Variants in SGMS1 observed in about 807,000 individuals in gnomAD.
SGMS1 encodes sphingomyelin synthase 1.
In SGMS1, 13 loss-of-function variants were observed where a neutral mutation model predicts 46.2. That is an observed-to-expected ratio of 0.28 (90% CI 0.18 to 0.45). SGMS1 has a LOEUF of 0.45. Ranked by LOEUF, SGMS1 falls within the 20% of genes least tolerant of loss-of-function variation. SGMS1 has a pLI of 1.00. For missense variants in SGMS1, 324 were observed against 519.9 expected, an observed-to-expected ratio of 0.62 and a Z score of 3.66; for synonymous variants, 203 against 187.8, an observed-to-expected ratio of 1.08 and a Z score of -0.66.
At chr10:50,427,987 A>ATGTG (rs149882980) in intron 6 of SGMS1, among the ~76,000 whole-genome samples, 1 of 150,406 alleles carries the variant, frequency 6.6e-6, no homozygotes, top group Non-Finnish European at 1.5e-5. Context: ...GAGAGAGAGA[A>ATGTG]TGTGTGTGTG....
intron 6 of SGMS1, among the ~76,000 whole-genome samples, chr10:50,389,011 A>G (rs1396579372): frequency 1.3e-5 from 2 of 152,218 alleles, no homozygotes; most frequent in Non-Finnish European, 2.9e-5. Context: ...TTTGCCACAA[A>G]AACAAAAATT....
chr10:50,602,925 G>C (rs1418706075), intron 1 of SGMS1, among the ~76,000 whole-genome samples: 2 of 152,132 alleles, frequency 1.3e-5, no homozygotes, highest in African/African-American at 4.8e-5. Flanking sequence ...TTAACATCAT[G>C]CTCCACAGCA....
intron 2 of SGMS1, among the ~76,000 whole-genome samples, chr10:50,538,144 T>A (rs570141011): frequency 8.6e-6 from 1 of 116,824 alleles, no homozygotes; most frequent in African/African-American, 3.4e-5. Context: ...AGGTGCTGGA[T>A]AAGATGCAGA....
At chr10:50,419,533 A>G (rs543774110) in intron 6 of SGMS1, among the ~76,000 whole-genome samples, 68 of 152,324 alleles carry the variant, frequency 4.5e-4, no homozygotes, top group Admixed American at 1.0e-3. Flanking sequence ...TTTAGGTCAC[A>G]GGTGAACCTA....
intron 6 of SGMS1, among the ~76,000 whole-genome samples, chr10:50,388,632 C>A (rs1019489271): frequency 2.4e-4 from 36 of 151,888 alleles, no homozygotes; most frequent in African/African-American, 8.0e-4. Flanking sequence ...AAACAAAAAA[C>A]AAAAACAGAA....
At chr10:50,588,849 C>T (rs1175789395) in intron 2 of SGMS1, among the ~76,000 whole-genome samples, 3 of 151,632 alleles carry the variant, frequency 2.0e-5, no homozygotes, top group Non-Finnish European at 4.4e-5. Context: ...CCTGCCTCAG[C>T]CTCCCGAGTA....
In SGMS1 at chr10:50,545,423, T is replaced by C. The variant is rs527730983; in HGVS notation, c.-588-25502A>G. ...GTCTGAAAAGGAAAGGGTTTTGTTG[T>C]TGTTGCTGTTTGTTTTGTTTTGTTT... is the stretch of plus-strand genomic sequence containing the variant. On this transcript the variant is annotated intron_variant, in intron 2 of 10. Transcript: ENST00000361781. Among the ~76,000 whole-genome samples the C allele has an allele frequency of 1.1e-3, 165 of 152,196 alleles. 1 individual carries two copies. The highest frequency in any genetic ancestry group is 3.9e-3 in the African/African-American group (162 of 41,524).
intron 2 of SGMS1, among the ~76,000 whole-genome samples, chr10:50,574,909 T>C (rs1055456271): frequency 7.1e-6 from 1 of 139,960 alleles, no homozygotes; most frequent in Non-Finnish European, 1.6e-5. Context: ...CATAAGTACA[T>C]GTAATTATTA....
chr10:50,550,242 C>T (rs1457282982), intron 2 of SGMS1, among the ~76,000 whole-genome samples: 2 of 152,230 alleles, frequency 1.3e-5, no homozygotes, highest in South Asian at 4.1e-4. Context: ...TAATCACTAA[C>T]TTTCTTTTCC....
At chr10:50,564,117 C>A (rs1173170857) in intron 2 of SGMS1, among the ~76,000 whole-genome samples, 3 of 152,232 alleles carry the variant, frequency 2.0e-5, no homozygotes, top group African/African-American at 7.2e-5. Context: ...AGACTTTAAC[C>A]ATGACAACCC....
intron 6 of SGMS1, among the ~76,000 whole-genome samples, chr10:50,411,617 T>C (rs1462550400): frequency 6.6e-6 from 1 of 152,240 alleles, no homozygotes; most frequent in Non-Finnish European, 1.5e-5. Flanking sequence ...GATAAATTGT[T>C]TTATGGGGTC....
intron 6 of SGMS1, among the ~76,000 whole-genome samples, chr10:50,408,452 A>AT (rs1311108707): frequency 6.7e-6 from 1 of 148,618 alleles, no homozygotes; most frequent in African/African-American, 2.6e-5. Flanking sequence ...AAAAAAAAAA[A>AT]AAACAAAATA....
intron 2 of SGMS1, among the ~76,000 whole-genome samples, chr10:50,567,060 C>A (rs1467938828): frequency 6.6e-6 from 1 of 152,006 alleles, no homozygotes; most frequent in African/African-American, 2.4e-5. Flanking sequence ...AATTCTCCTG[C>A]CTCAGCCTCC....
chr10:50,387,493 T>C (rs190600260), intron 6 of SGMS1, among the ~76,000 whole-genome samples: 141 of 152,332 alleles, frequency 9.3e-4, no homozygotes, highest in African/African-American at 2.9e-3. Flanking sequence ...ATATTCTCCC[T>C]GTAAGAAGAT....
intron 2 of SGMS1, among the ~76,000 whole-genome samples, chr10:50,545,165 G>A (rs1838089886): frequency 6.6e-6 from 1 of 152,190 alleles, no homozygotes; most frequent in Non-Finnish European, 1.5e-5. Context: ...TTTATAATAT[G>A]AATGGGAATG....
At chr10:50,381,820 T>C (rs921318911) in intron 6 of SGMS1, among the ~76,000 whole-genome samples, 10 of 152,158 alleles carry the variant, frequency 6.6e-5, no homozygotes, top group Non-Finnish European at 1.2e-4. Flanking sequence ...ACCTTCTCTA[T>C]CTGTTACCAC....
At chr10:50,549,646 G>A (rs144417091) in intron 2 of SGMS1, among the ~76,000 whole-genome samples, 1,776 of 152,164 alleles carry the variant, frequency 0.012, 42 homozygotes, top group African/African-American at 0.041. Flanking sequence ...CATGGCACAC[G>A]TTTACCTATG....
intron 6 of SGMS1, among the ~76,000 whole-genome samples, chr10:50,376,137 C>T (rs990238125): frequency 1.3e-5 from 2 of 152,132 alleles, no homozygotes; most frequent in African/African-American, 4.8e-5. Flanking sequence ...AAAGCACTTT[C>T]ACATGGCAGT....
chr10:50,476,970 G>C (rs926753562), intron 3 of SGMS1, among the ~76,000 whole-genome samples: 1 of 152,240 alleles, frequency 6.6e-6, no homozygotes, highest in African/African-American at 2.4e-5. Flanking sequence ...GTAGTGCAGA[G>C]GGGAAATGTA....
Sources: gnomAD v4.1 joint callset for allele counts (sites outside exome capture counted in the v4.1 genomes callset) on GRCh38, gnomAD v4.1.1 for gene constraint, MANE v1.5 for transcripts, NCBI Gene and HGNC (gene_info 2026-07-23, HGNC 2026-07-21) for gene names.